STK39: variants seen among roughly 807,000 people sequenced by gnomAD.
STK39 encodes serine/threonine kinase 39.
In STK39, 20 loss-of-function variants were observed where a neutral mutation model predicts 77.8. The ratio of observed to expected loss-of-function variants is 0.26; its 90% confidence interval spans 0.18 to 0.37. The LOEUF (loss-of-function observed/expected upper bound fraction) is 0.37, where lower values mean the gene tolerates loss of function less well. Among genes scored for constraint, STK39 ranks in the 10% least tolerant of loss-of-function variants. The pLI, the probability that STK39 is intolerant of heterozygous loss-of-function variation, is 1.00. For synonymous variants in STK39, 246 were observed against 234.1 expected, an observed-to-expected ratio of 1.05 and a Z score of -0.47; for missense variants, 479 against 656.5, an observed-to-expected ratio of 0.73 and a Z score of 2.95.
chr2:168,075,354 A>G, intron 10 of STK39, 123 bp from the exon 11 acceptor site: 6 of 1,320,290 alleles, frequency 4.5e-6, no homozygotes, highest in Non-Finnish European at 6.3e-6. Flanking sequence ...CTGTGAATCC[A>G]GGGATAGCTA....
intron 10 of STK39, 22 bp from the exon 11 acceptor site, chr2:168,075,253 C>T (rs1686050077): frequency 6.2e-7 from 1 of 1,612,752 alleles, no homozygotes; most frequent in Non-Finnish European, 8.5e-7. Context: ...CAAGCCCACA[C>T]AATTCTTCAC....
chr2:168,011,711 T>C (rs1684275640), intron 16 of STK39, among the ~76,000 whole-genome samples: 1 of 152,074 alleles, frequency 6.6e-6, no homozygotes, highest in Non-Finnish European at 1.5e-5. Context: ...TTGAGCAGGC[T>C]CCCCTATCTC....
chr2:168,033,234 G>GT (rs765899176), intron 14 of STK39, among the ~76,000 whole-genome samples: 3 of 150,786 alleles, frequency 2.0e-5, no homozygotes, highest in Non-Finnish European at 4.4e-5. Context: ...AAACACTCAA[G>GT]TAACACCAGC....
At chr2:168,021,731 T>A (rs1444718711) in intron 14 of STK39, among the ~76,000 whole-genome samples, 2 of 152,060 alleles carry the variant, frequency 1.3e-5, no homozygotes, top group East Asian at 3.8e-4. Flanking sequence ...AGGTACAGCC[T>A]CTTATAGCTC....
intron 14 of STK39, among the ~76,000 whole-genome samples, chr2:168,017,723 ATCCATTTTT>A: frequency 6.6e-6 from 1 of 152,092 alleles, no homozygotes; most frequent in Non-Finnish European, 1.5e-5. Context: ...AATAAATGGT[ATCCATTTTT>A]TTTCTTGAAA....
intron 10 of STK39, among the ~76,000 whole-genome samples, chr2:168,116,994 G>C (rs1330297866): frequency 6.6e-6 from 1 of 152,164 alleles, no homozygotes; most frequent in African/African-American, 2.4e-5. Context: ...GTGCATCCTG[G>C]CTCAGAGAAG....
At chr2:168,235,060 CAG>C (rs911315129) in intron 1 of STK39, among the ~76,000 whole-genome samples, 31 of 139,776 alleles carry the variant, frequency 2.2e-4, no homozygotes, top group African/African-American at 7.6e-4. Context: ...TTTTTTGAAA[CAG>C]AGTCTCACTC....
At chr2:168,147,280 T>C (rs376135643) in intron 5 of STK39, among the ~76,000 whole-genome samples, 1 of 152,200 alleles carries the variant, frequency 6.6e-6, no homozygotes, top group Non-Finnish European at 1.5e-5. Context: ...AAGACTTGAC[T>C]GACAAAATTG....
In STK39 at chr2:167,980,519, A is replaced by T. The variant is rs147391624; in HGVS notation, c.1499-15793T>A. Among the ~76,000 whole-genome samples the T allele has an allele frequency of 1.5e-3, 230 of 152,318 alleles. 1 individual carries two copies. The highest frequency in any genetic ancestry group is 5.4e-3 in the African/African-American group (226 of 41,564). The stretch of plus-strand genomic sequence containing the variant: ...GATAGTAAATCTACGGATATGAGGA[A>T]TGCTACCTAAATTATGGGCCAATGC... On this transcript the variant is annotated intron_variant, in intron 16 of 17. Coordinates refer to ENST00000355999, the MANE Select transcript of STK39 (RefSeq NM_013233.3).
At chr2:168,056,960 T>C (rs1232956177) in intron 14 of STK39, among the ~76,000 whole-genome samples, 1 of 152,108 alleles carries the variant, frequency 6.6e-6, no homozygotes, top group Non-Finnish European at 1.5e-5. Flanking sequence ...GGAACAATAC[T>C]GGATAGTGGG....
At chr2:168,001,076 A>C (rs1483587214) in intron 16 of STK39, among the ~76,000 whole-genome samples, 1 of 152,142 alleles carries the variant, frequency 6.6e-6, no homozygotes, top group African/African-American at 2.4e-5. Flanking sequence ...CTGACTATGA[A>C]TTCCTGCTAT....
Position 168,004,694 on chromosome 2 carries a change from T to C in STK39, c.1498+7940A>G, listed in dbSNP as rs1044395558. 5.4e-4 allele frequency among the ~76,000 whole-genome samples: 80 copies of C among 147,964 alleles called. 2 individuals carry two copies. Among genetic ancestry groups the C allele is most frequent in the African/African-American group, 1.9e-3 (74 of 39,772 alleles). On this transcript the variant is annotated intron_variant, in intron 16 of 17. Coordinates refer to ENST00000355999, the MANE Select transcript of STK39 (RefSeq NM_013233.3). Reference sequence around the variant, plus strand: ...CTTGCAGTCAGCCGAGATTGCACCATTGCACTCTAGCCTGGGTGACAGAGT... The same window carrying C: ...CTTGCAGTCAGCCGAGATTGCACCACTGCACTCTAGCCTGGGTGACAGAGT...
chr2:168,247,247 G>A lies in STK39; in HGVS notation c.189C>T (p.Tyr63=). Residue 63 remains tyrosine (Y), a synonymous_variant, in exon 1 of 18, where the codon TAC becomes TAT. Transcript: ENST00000355999. ...AVGWPICRDA[Y]ELQEVIGSGA... ...ACTGACCGATAACCTCCTGCAGCTCGTACGCGTCCCTGCAGATGGGCCAGC... is the reference window on the plus strand; with the variant it reads ...ACTGACCGATAACCTCCTGCAGCTCATACGCGTCCCTGCAGATGGGCCAGC... 8.7e-7 allele frequency: 1 copy of A among 1,155,334 alleles called. No homozygotes were observed. Among genetic ancestry groups the A allele is most frequent in the Non-Finnish European group, 1.1e-6 (1 of 938,988 alleles). 71.6% of individuals were successfully genotyped at this position (1,155,334 alleles called of 1,614,324 possible). A position where few individuals can be genotyped will look rare whatever the true frequency, so the allele number is the denominator to read the frequency against.
At chr2:168,033,745 C>A (rs1308948223) in intron 14 of STK39, among the ~76,000 whole-genome samples, 1 of 152,196 alleles carries the variant, frequency 6.6e-6, no homozygotes, top group African/African-American at 2.4e-5. Context: ...CCGACTCAGC[C>A]TGTCCTACCT....
At chr2:168,231,734 G>GTA (rs1429734274) in intron 1 of STK39, among the ~76,000 whole-genome samples, 4 of 152,086 alleles carry the variant, frequency 2.6e-5, no homozygotes, top group Non-Finnish European at 4.4e-5. Flanking sequence ...AGTGCTCTGT[G>GTA]AAGAATCCTT....
intron 5 of STK39, among the ~76,000 whole-genome samples, chr2:168,160,840 GT>G (rs1688551500): frequency 6.6e-6 from 1 of 150,754 alleles, no homozygotes; most frequent in Non-Finnish European, 1.5e-5. Context: ...ATGGGATAAG[GT>G]CCACTCATGA....
chr2:168,046,985 T>C (rs1370581097), intron 14 of STK39, among the ~76,000 whole-genome samples: 1 of 151,862 alleles, frequency 6.6e-6, no homozygotes, highest in Non-Finnish European at 1.5e-5. Context: ...GAGTATAGAT[T>C]GTACAATAAA....
intron 16 of STK39, among the ~76,000 whole-genome samples, chr2:168,004,576 CA>C (rs910195642): frequency 6.6e-6 from 1 of 151,298 alleles, no homozygotes; most frequent in African/African-American, 2.4e-5. Context: ...ACTAAAAATA[CA>C]AAAAAATTAG....
Position 167,974,206 on chromosome 2 carries a change from C to T in STK39, c.1499-9480G>A, listed in dbSNP as rs560322325. Among the ~76,000 whole-genome samples the T allele has an allele frequency of 2.0e-3, 309 of 152,280 alleles. 1 individual carries two copies. The highest frequency in any genetic ancestry group is 7.0e-3 in the African/African-American group (293 of 41,570). On this transcript the variant is annotated intron_variant, in intron 16 of 17. Coordinates refer to ENST00000355999, the MANE Select transcript of STK39 (RefSeq NM_013233.3). ...CTGTTTGAAAAGCTAAGTCTTCCCCCTATCAGTGAGTAAAAGTTTTTGCCT... is the reference window on the plus strand; with the variant it reads ...CTGTTTGAAAAGCTAAGTCTTCCCCTTATCAGTGAGTAAAAGTTTTTGCCT...
Sources: gnomAD v4.1 joint callset for allele counts (sites outside exome capture counted in the v4.1 genomes callset) on GRCh38, gnomAD v4.1.1 for gene constraint, MANE v1.5 for transcripts, NCBI Gene and HGNC (gene_info 2026-07-23, HGNC 2026-07-21) for gene names.